Variants in AHI1 observed in about 807,000 individuals in gnomAD.
AHI1 encodes the protein Abelson helper integration site 1.
AHI1 carries 123 observed loss-of-function variants against 149.3 expected under a neutral mutation model. The observed-to-expected ratio is 0.82, with a 90% CI of 0.71 to 0.96. AHI1 has a LOEUF of 0.96. AHI1 is among the 40% of genes least tolerant of loss of function. AHI1 has a pLI of 0.00. For missense variants in AHI1, 1,439 were observed against 1,422.7 expected (o/e 1.01, Z -0.18); for synonymous variants, 475 against 459.8 (o/e 1.03, Z -0.42).
At chr6:135,444,699 AT>A (rs780735994) in intron 13 of AHI1, among the ~76,000 whole-genome samples, 3 of 152,238 alleles carry the variant, frequency 2.0e-5, no homozygotes, top group Non-Finnish European at 4.4e-5. Context: ...TTTCATAAAA[AT>A]AAAATAAAAG....
intron 23 of AHI1, among the ~76,000 whole-genome samples, chr6:135,358,972 T>A (rs1251606964): frequency 1.3e-5 from 2 of 152,242 alleles, no homozygotes; most frequent in African/African-American, 4.8e-5. Flanking sequence ...ATTAACATAG[T>A]TTGTTCAAAC....
intron 23 of AHI1, among the ~76,000 whole-genome samples, chr6:135,364,961 G>A (rs933587528): frequency 2.6e-5 from 4 of 151,914 alleles, no homozygotes; most frequent in Admixed American, 1.3e-4. Context: ...GAGTGGGAGC[G>A]GGAGCGTCTT....
chr6:135,309,523 C>A (rs1301171614), intron 26 of AHI1, among the ~76,000 whole-genome samples: 2 of 148,794 alleles, frequency 1.3e-5, no homozygotes, highest in Non-Finnish European at 3.0e-5. Flanking sequence ...ACTCTTGTTG[C>A]CCAGCCTGGA....
At chr6:135,457,127 T>C (rs1402057927) in intron 9 of AHI1, among the ~76,000 whole-genome samples, 3 of 151,752 alleles carry the variant, frequency 2.0e-5, no homozygotes, top group African/African-American at 7.3e-5. Context: ...CCACTAAAAA[T>C]ACAAAAATTA....
At chr6:135,293,429 A>AAAAAAAAAG (rs1782649777) in intron 27 of AHI1, among the ~76,000 whole-genome samples, 1 of 131,890 alleles carries the variant, frequency 7.6e-6, no homozygotes, top group African/African-American at 2.9e-5. Context: ...AAAAAAGAAA[A>AAAAAAAAAG]AAAGAAAGAA....
intron 5 of AHI1, among the ~76,000 whole-genome samples, chr6:135,482,477 T>G (rs373434004): frequency 1.4e-4 from 21 of 152,214 alleles, no homozygotes; most frequent in South Asian, 6.2e-4. Context: ...CTGTTTTTTT[T>G]TTTGTTTGTT....
chr6:135,332,657 C>T (rs960935934), intron 24 of AHI1, among the ~76,000 whole-genome samples: 9 of 152,336 alleles, frequency 5.9e-5, no homozygotes, highest in Middle Eastern at 3.4e-3. Context: ...ACTTCCCAAA[C>T]AGGCCAGTTT....
chr6:135,389,153 C>T (rs1013411171), intron 23 of AHI1, among the ~76,000 whole-genome samples: 3 of 150,206 alleles, frequency 2.0e-5, no homozygotes, highest in East Asian at 2.0e-4. Context: ...TACTAAAAAA[C>T]ACAAAAAATT....
At chr6:135,403,884 G>A (rs1341174977) in intron 22 of AHI1, among the ~76,000 whole-genome samples, 1 of 151,924 alleles carries the variant, frequency 6.6e-6, no homozygotes. Flanking sequence ...TGTGACTGAT[G>A]CTGGACAGCT....
chr6:135,440,131 G>A (rs973381967), intron 14 of AHI1, among the ~76,000 whole-genome samples: 1 of 152,146 alleles, frequency 6.6e-6, no homozygotes, highest in Middle Eastern at 3.2e-3. Flanking sequence ...TCAAGAGACT[G>A]GTTGGGGCAG....
chr6:135,424,903 T>A (rs1205028507), intron 20 of AHI1, among the ~76,000 whole-genome samples: 1 of 152,096 alleles, frequency 6.6e-6, no homozygotes, highest in East Asian at 1.9e-4. Context: ...TAAAGCCATA[T>A]GTAAACTTTA....
intron 28 of AHI1, chr6:135,286,406 G>C (rs899108249): frequency 2.4e-4 from 37 of 152,166 alleles, no homozygotes; most frequent in Admixed American, 2.2e-3. Context: ...TACACAGAAA[G>C]GTTACTGTCC....
intron 10 of AHI1, among the ~76,000 whole-genome samples, chr6:135,454,162 G>C (rs2128072812): frequency 6.6e-6 from 1 of 151,904 alleles, no homozygotes; most frequent in South Asian, 2.1e-4. Context: ...AAAATATATA[G>C]ATCCAAAGTA....
intron 15 of AHI1, among the ~76,000 whole-genome samples, chr6:135,434,003 T>C (rs2128025390): frequency 6.6e-6 from 1 of 152,154 alleles, no homozygotes; most frequent in African/African-American, 2.4e-5. Flanking sequence ...TTTCTAACAA[T>C]GTATAAAACT....
intron 26 of AHI1, among the ~76,000 whole-genome samples, chr6:135,303,787 G>A (rs925706514): frequency 1.3e-5 from 2 of 152,020 alleles, no homozygotes; most frequent in Non-Finnish European, 2.9e-5. Flanking sequence ...AAATACTCTG[G>A]GTGAAACTAG....
At chr6:135,372,490 G>A (rs556870829) in intron 23 of AHI1, among the ~76,000 whole-genome samples, 3 of 148,760 alleles carry the variant, frequency 2.0e-5, no homozygotes, top group Non-Finnish European at 4.4e-5. Flanking sequence ...GCAACATAGC[G>A]AGACCCTGTC....
At chr6:135,399,397 G>A (rs539369609) in intron 22 of AHI1, among the ~76,000 whole-genome samples, 17 of 152,184 alleles carry the variant, frequency 1.1e-4, no homozygotes, top group African/African-American at 2.9e-4. Context: ...GTCTTCAACC[G>A]GGTACAACAA....
intron 4 of AHI1, 38 bp from the exon 5 acceptor site, chr6:135,490,785 CTA>C (rs1562294798): frequency 3.7e-6 from 6 of 1,606,728 alleles, no homozygotes; most frequent in Non-Finnish European, 5.1e-6. Flanking sequence ...GTAAATGACT[CTA>C]TCATAACACA....
intron 24 of AHI1, among the ~76,000 whole-genome samples, chr6:135,357,688 A>G (rs1005430170): frequency 2.0e-5 from 3 of 152,256 alleles, no homozygotes; most frequent in African/African-American, 7.2e-5. Flanking sequence ...TAAAAGGGAA[A>G]TCTAATAATT....
Sources: gnomAD v4.1 joint callset for allele counts (sites outside exome capture counted in the v4.1 genomes callset) on GRCh38, gnomAD v4.1.1 for gene constraint, MANE v1.5 for transcripts, NCBI Gene and HGNC (gene_info 2026-07-23, HGNC 2026-07-21) for gene names.